The following TACC2 variants were observed in gnomAD, a reference collection of about 807,000 sequenced individuals.
TACC2 encodes the protein transforming acidic coiled-coil containing protein 2.
Under a neutral mutation model 227.3 loss-of-function variants are expected in TACC2, and 137 were observed. The observed-to-expected ratio is 0.60, with a 90% CI of 0.52 to 0.69. The LOEUF is 0.69. Among genes scored for constraint, TACC2 ranks in the 30% least tolerant of loss-of-function variants. The probability of loss-of-function intolerance (pLI) is 0.00; values close to 1 mark genes in which losing one functional copy is unlikely to be tolerated. For missense variants in TACC2, 3,470 were observed against 3,694.4 expected (o/e 0.94, Z 1.57); for synonymous variants, 1,523 against 1,487.5 (o/e 1.02, Z -0.55).
intron 7 of TACC2, among the ~76,000 whole-genome samples, chr10:122,181,911 A>T (rs1424427419): frequency 6.6e-6 from 1 of 152,230 alleles, no homozygotes; most frequent in Admixed American, 6.5e-5. Context: ...GTTAGAAGAA[A>T]GGAACAAAAG....
In TACC2 at chr10:122,084,468, A is replaced by C; in HGVS notation, c.1968A>C (p.Ala656=). The part of the protein sequence containing the change: ...GPHSQTAEAD[A]SGLPHKLGEE... Reference sequence around the variant, plus strand: ...ACTCTCAGACAGCAGAGGCTGATGCATCTGGCCTACCACACAAGCTGGGTG... The same window carrying C: ...ACTCTCAGACAGCAGAGGCTGATGCCTCTGGCCTACCACACAAGCTGGGTG... Residue 656 remains alanine (A), a synonymous_variant, in exon 4 of 23, where the codon GCA becomes GCC. Coordinates refer to ENST00000369005, the MANE Select transcript of TACC2 (RefSeq NM_206862.4). 6.2e-7 allele frequency: 1 copy of C among 1,613,204 alleles called. No individual in the cohort carries two copies. Among genetic ancestry groups the C allele is most frequent in the Non-Finnish European group, 8.5e-7 (1 of 1,180,006 alleles).
chr10:122,101,172 T>C (rs76951729), intron 5 of TACC2, among the ~76,000 whole-genome samples: 36,521 of 151,976 alleles, frequency 0.24, 4,637 homozygotes, highest in East Asian at 0.48. Flanking sequence ...TTATTCATTG[T>C]AGGACATTTG....
At chr10:122,007,869 T>A (rs1955376753) in intron 1 of TACC2, among the ~76,000 whole-genome samples, 1 of 152,142 alleles carries the variant, frequency 6.6e-6, no homozygotes, top group South Asian at 2.1e-4. Flanking sequence ...AATTAATAGA[T>A]TAATGGGTCA....
chr10:122,203,204 C>T (rs1565602771), intron 8 of TACC2, among the ~76,000 whole-genome samples: 1 of 152,006 alleles, frequency 6.6e-6, no homozygotes, highest in African/African-American at 2.4e-5. Flanking sequence ...GGTGGCCGGG[C>T]AGAGGGGCTC....
rs1316120571 is a variant in TACC2, at chr10:122,085,673, C to T, written c.3173C>T (p.Pro1058Leu). The stretch of plus-strand genomic sequence containing the variant: ...TCAGTAGCTCTCCTGGATGCAGTTC[C>T]CTGCCTGCCAGCCCTGGCGCCCGCC... The part of the protein sequence containing the change: ...PDSVALLDAV[P>L]CLPALAPASP... The change falls in exon 4 of 23, where the codon CCC becomes CTC. Residue 1058 changes from proline to leucine, a missense_variant. Physicochemically the swap from Pro to Leu is moderately conservative, Grantham distance 98 (BLOSUM62 -3). Transcript: ENST00000369005. 2 of 1,613,670 alleles carry T rather than the reference C, an allele frequency of 1.2e-6. No individual in the cohort carries two copies. The highest frequency in any genetic ancestry group is 1.6e-4 in the Middle Eastern group (1 of 6,062).
chr10:122,135,786 T>G (rs2089496844), intron 6 of TACC2, among the ~76,000 whole-genome samples: 1 of 152,254 alleles, frequency 6.6e-6, no homozygotes, highest in South Asian at 2.1e-4. Flanking sequence ...ACACACGTTC[T>G]CAGCTAAGAT....
intron 19 of TACC2, among the ~76,000 whole-genome samples, chr10:122,245,786 A>G (rs1415478381): frequency 6.6e-6 from 1 of 152,064 alleles, no homozygotes; most frequent in Admixed American, 6.6e-5. Context: ...CTTTATATAC[A>G]TTTTCTCATT....
chr10:122,063,499 C>G (rs2077059662), intron 3 of TACC2, among the ~76,000 whole-genome samples: 2 of 152,192 alleles, frequency 1.3e-5, no homozygotes, highest in Non-Finnish European at 1.5e-5. Flanking sequence ...AGGTGTGTGT[C>G]TGTTTTCTGC....
Position 122,082,905 on chromosome 10 carries a change from T to C in TACC2, c.405T>C (p.Thr135=), listed in dbSNP as rs1198091564. The C allele has an allele frequency of 1.2e-6, 2 of 1,613,096 alleles. No individual in the cohort carries two copies. The highest frequency in any genetic ancestry group is 1.7e-6 in the Non-Finnish European group (2 of 1,180,010). ...PAAAPEDGPQ[T]QSPRREPAPN... is the part of the protein sequence containing the mutation. ...CGGCACCTGAAGATGGTCCTCAGAC[T>C]CAGTCTCCCAGGAGGGAACCTGCCC... Residue 135 remains threonine (T), a synonymous_variant, in exon 4 of 23, where the codon ACT becomes ACC. Coordinates refer to ENST00000369005, the MANE Select transcript of TACC2 (RefSeq NM_206862.4).
intron 11 of TACC2, 54 bp from the exon 12 acceptor site, chr10:122,224,672 G>A: frequency 6.5e-7 from 1 of 1,541,940 alleles, no homozygotes; most frequent in South Asian, 1.1e-5. Context: ...TTTTCCTCTG[G>A]CACTAACCTC....
chr10:122,231,982 C>T (rs1432476836), intron 16 of TACC2, among the ~76,000 whole-genome samples: 6 of 152,190 alleles, frequency 3.9e-5, no homozygotes, highest in Non-Finnish European at 8.8e-5. Flanking sequence ...CTGAGGGCCC[C>T]GCAGTGAGGT....
chr10:122,004,236 A>G (rs1161237748), intron 1 of TACC2, among the ~76,000 whole-genome samples: 2 of 152,010 alleles, frequency 1.3e-5, no homozygotes, highest in Non-Finnish European at 2.9e-5. Flanking sequence ...CGTCTCTACT[A>G]AAAATACAAA....
chr10:122,063,115 C>T (rs2077016262), intron 3 of TACC2, among the ~76,000 whole-genome samples: 1 of 152,192 alleles, frequency 6.6e-6, no homozygotes, highest in Non-Finnish European at 1.5e-5. Flanking sequence ...GAAAGTGAAC[C>T]TTGGTCAATC....
intron 5 of TACC2, among the ~76,000 whole-genome samples, chr10:122,099,475 C>T (rs951802192): frequency 4.6e-5 from 7 of 152,202 alleles, no homozygotes; most frequent in Non-Finnish European, 1.0e-4. Flanking sequence ...TTCATAGTCT[C>T]CTTCTGACAC....
chr10:122,226,338 A>T, intron 12 of TACC2, 28 bp from the exon 13 acceptor site: 1 of 1,543,930 alleles, frequency 6.5e-7, no homozygotes, highest in South Asian at 1.1e-5. Flanking sequence ...ACTGTACCCA[A>T]GCTGATATGT....
intron 3 of TACC2, among the ~76,000 whole-genome samples, chr10:122,066,510 G>T (rs928855511): frequency 6.6e-6 from 1 of 152,046 alleles, no homozygotes; most frequent in Non-Finnish European, 1.5e-5. Context: ...CTTGTGATCC[G>T]CCTGCCTTGG....
At chr10:122,199,636 C>T (rs2094710566) in intron 8 of TACC2, among the ~76,000 whole-genome samples, 1 of 152,204 alleles carries the variant, frequency 6.6e-6, no homozygotes, top group South Asian at 2.1e-4. Flanking sequence ...TACAGACTCT[C>T]CCTCTTCACC....
chr10:122,023,539 G>C (rs932475493), intron 2 of TACC2: 1 of 151,858 alleles, frequency 6.6e-6, no homozygotes, highest in African/African-American at 2.4e-5. Context: ...GCAACCTATC[G>C]CAAGGACAGA....
At chr10:121,993,277 G>A (rs766709082) in intron 1 of TACC2, among the ~76,000 whole-genome samples, 5 of 152,172 alleles carry the variant, frequency 3.3e-5, no homozygotes, top group Non-Finnish European at 7.3e-5. Context: ...GTGAAAAAAA[G>A]GAGTTGTAGT....
Sources: gnomAD v4.1 joint callset for allele counts (sites outside exome capture counted in the v4.1 genomes callset) on GRCh38, gnomAD v4.1.1 for gene constraint, MANE v1.5 for transcripts, NCBI Gene and HGNC (gene_info 2026-07-23, HGNC 2026-07-21) for gene names.